The following PTGFR variants were observed in gnomAD, a reference collection of about 807,000 sequenced individuals.
PTGFR encodes prostaglandin F2-alpha receptor.
In PTGFR, 15 loss-of-function variants were observed where a neutral mutation model predicts 26.2. That is an observed-to-expected ratio of 0.57 (90% CI 0.38 to 0.88). The LOEUF (loss-of-function observed/expected upper bound fraction) is 0.88, where lower values mean the gene tolerates loss of function less well. Among genes scored for constraint, PTGFR ranks in the 40% least tolerant of loss-of-function variants. PTGFR has a pLI of 0.00. For synonymous variants in PTGFR, 165 were observed against 151.1 expected, an observed-to-expected ratio of 1.09 and a Z score of -0.68; for missense variants, 369 against 427.2, an observed-to-expected ratio of 0.86 and a Z score of 1.20.
chr1:78,534,125 G>T (rs1219978912), intron 2 of PTGFR, among the ~76,000 whole-genome samples: 9 of 152,156 alleles, frequency 5.9e-5, no homozygotes, highest in Admixed American at 5.9e-4. Flanking sequence ...CACAGGAAGA[G>T]ATTTTAGAAA....
chr1:78,524,254 T>C (rs1650315991), intron 2 of PTGFR, among the ~76,000 whole-genome samples: 1 of 152,056 alleles, frequency 6.6e-6, no homozygotes, highest in Non-Finnish European at 1.5e-5. Context: ...CACATAGGGC[T>C]TGATGAGTTG....
chr1:78,517,332 A>C (rs1012855536), intron 2 of PTGFR, among the ~76,000 whole-genome samples: 5 of 152,120 alleles, frequency 3.3e-5, no homozygotes, highest in African/African-American at 1.2e-4. Flanking sequence ...CTTATGGGTT[A>C]CGGTCTTCTG....
In PTGFR at chr1:78,515,109, T is replaced by G. The variant is rs190533945; in HGVS notation, c.799-21297T>G. Among the ~76,000 whole-genome samples the G allele has an allele frequency of 8.1e-4, 124 of 152,180 alleles. 3 individuals carry two copies. The highest frequency in any genetic ancestry group is 2.8e-3 in the African/African-American group (118 of 41,530). On this transcript the variant is annotated intron_variant, in intron 2 of 2. Coordinates refer to ENST00000370757, the MANE Select transcript of PTGFR (RefSeq NM_000959.4). ...ATGGGGACCACATTGCGACATAAGA[T>G]TTGGAGAGGACAAACATCTAAACTA...
intron 2 of PTGFR, among the ~76,000 whole-genome samples, chr1:78,526,210 T>A (rs1005518823): frequency 6.6e-6 from 1 of 152,142 alleles, no homozygotes; most frequent in African/African-American, 2.4e-5. Flanking sequence ...TGGTCTCCTA[T>A]TCAGCAATAG....
chr1:78,534,885 T>C (rs1438443041), intron 2 of PTGFR, among the ~76,000 whole-genome samples: 1 of 152,220 alleles, frequency 6.6e-6, no homozygotes, highest in Non-Finnish European at 1.5e-5. Flanking sequence ...TTGTTATTAC[T>C]AATATACTAA....
intron 2 of PTGFR, among the ~76,000 whole-genome samples, chr1:78,501,180 A>C (rs991002332): frequency 2.0e-5 from 3 of 152,214 alleles, no homozygotes; most frequent in African/African-American, 7.2e-5. Context: ...TGGGCTTTTC[A>C]TTAAGCTCCA....
At position 78,493,049 on chromosome 1, in the gene PTGFR, C is replaced by T. The variant is rs371784163; in HGVS notation, c.306C>T (p.Asp102=). ...CTGATAAAGAATGGATCCGCTTTGACCAATCAAATGTCCTTTGCAGTATTT... is the reference window on the plus strand; with the variant it reads ...CTGATAAAGAATGGATCCGCTTTGATCAATCAAATGTCCTTTGCAGTATTT... The part of the protein sequence containing the change: ...YASDKEWIRF[D]QSNVLCSIFG... The change falls in exon 2 of 3, where the codon GAC becomes GAT. Residue 102 remains aspartate (D), a synonymous_variant. Coordinates refer to ENST00000370757, the MANE Select transcript of PTGFR (RefSeq NM_000959.4). The T allele has an allele frequency of 1.3e-5, 21 of 1,614,098 alleles. No homozygotes were observed. In the African/African-American group the frequency reaches 1.6e-4, roughly 12 times the overall value.
chr1:78,492,571 A>G (rs1221502189), intron 1 of PTGFR, 101 bp from the exon 2 acceptor site: 2 of 617,406 alleles, frequency 3.2e-6, no homozygotes, highest in Non-Finnish European at 5.5e-6. Context: ...ATGATAGGCC[A>G]GATAAAACCC....
At chr1:78,512,631 C>T (rs1466817106) in intron 2 of PTGFR, among the ~76,000 whole-genome samples, 2 of 152,166 alleles carry the variant, frequency 1.3e-5, no homozygotes, top group Non-Finnish European at 2.9e-5. Context: ...GAGGTTTCTA[C>T]CCCTATGACC....
intron 2 of PTGFR, among the ~76,000 whole-genome samples, chr1:78,494,099 G>T (rs995048360): frequency 2.0e-5 from 3 of 152,244 alleles, no homozygotes; most frequent in African/African-American, 7.2e-5. Context: ...GGAGAGGTAT[G>T]TTTGGCAGGA....
At chr1:78,534,316 G>A (rs1056480506) in intron 2 of PTGFR, among the ~76,000 whole-genome samples, 2 of 152,044 alleles carry the variant, frequency 1.3e-5, no homozygotes, top group Admixed American at 6.6e-5. Context: ...AATGGCTTCC[G>A]ACTGCTTTTG....
chr1:78,530,453 A>G (rs183705798), intron 2 of PTGFR, among the ~76,000 whole-genome samples: 1 of 152,302 alleles, frequency 6.6e-6, no homozygotes, highest in East Asian at 1.9e-4. Context: ...TTGAAAGACA[A>G]CTAGACATAG....
intron 2 of PTGFR, among the ~76,000 whole-genome samples, chr1:78,513,416 G>A (rs950427559): frequency 8.5e-5 from 13 of 152,302 alleles, no homozygotes; most frequent in Non-Finnish European, 1.3e-4. Flanking sequence ...CATGACCCAG[G>A]CATCTGTGGA....
chr1:78,510,440 G>A lies in PTGFR; in HGVS notation c.798+16899G>A, dbSNP rs74094516. Among the ~76,000 whole-genome samples, 685 of 152,170 alleles carry A rather than the reference G, an allele frequency of 4.5e-3. 3 individuals carry two copies. Among genetic ancestry groups the A allele is most frequent in the African/African-American group, 0.015 (640 of 41,522 alleles). On this transcript the variant is annotated intron_variant, in intron 2 of 2. Transcript: ENST00000370757. Reference sequence around the variant, plus strand: ...AGAGAGAGTAAGAAAGAGGAAGGGAGGTGCACACTCTGTTAAACAAGCAGA... The same window carrying A: ...AGAGAGAGTAAGAAAGAGGAAGGGAAGTGCACACTCTGTTAAACAAGCAGA...
At chr1:78,515,842 A>G (rs186335932) in intron 2 of PTGFR, among the ~76,000 whole-genome samples, 45 of 152,300 alleles carry the variant, frequency 3.0e-4, no homozygotes, top group African/African-American at 1.1e-3. Flanking sequence ...TGCCTCACAT[A>G]CTACTTGGAA....
intron 2 of PTGFR, among the ~76,000 whole-genome samples, chr1:78,508,524 A>C (rs1649879792): frequency 6.6e-6 from 1 of 152,084 alleles, no homozygotes. Flanking sequence ...CTAGGAATGA[A>C]TGTCACTGTC....
At chr1:78,499,645 T>C (rs1649650769) in intron 2 of PTGFR, among the ~76,000 whole-genome samples, 1 of 152,220 alleles carries the variant, frequency 6.6e-6, no homozygotes, top group African/African-American at 2.4e-5. Context: ...AGAAATTCTG[T>C]GTTCAGGAGT....
chr1:78,514,236 C>T (rs1474520699), intron 2 of PTGFR, among the ~76,000 whole-genome samples: 5 of 152,334 alleles, frequency 3.3e-5, no homozygotes, highest in African/African-American at 7.2e-5. Flanking sequence ...TCAACTCCAA[C>T]CTGTGTGAGC....
chr1:78,527,966 T>G lies in PTGFR; in HGVS notation c.799-8440T>G, dbSNP rs3737779. 1.1e-4 allele frequency among the ~76,000 whole-genome samples: 17 copies of G among 152,134 alleles called. No individual in the cohort carries two copies. In the East Asian group the frequency reaches 3.3e-3, roughly 29 times the overall value. On this transcript the variant is annotated intron_variant, in intron 2 of 2. Coordinates refer to ENST00000370757, the MANE Select transcript of PTGFR (RefSeq NM_000959.4). The stretch of plus-strand genomic sequence containing the variant: ...GTCATGGCATAAGCTTCCGAAACAG[T>G]TGAAGGATGAGTAATACACAGAAAA...
Sources: allele counts gnomAD v4.1 joint callset (sites outside exome capture counted in the v4.1 genomes callset), GRCh38; gene constraint gnomAD v4.1.1; transcripts MANE v1.5; gene names NCBI Gene and HGNC (gene_info 2026-07-23, HGNC 2026-07-21).